TTF1: variants seen among roughly 807,000 people sequenced by gnomAD.
TTF1 encodes transcription termination factor, RNA polymerase I.
Under a neutral mutation model 80.2 loss-of-function variants are expected in TTF1, and 64 were observed. The ratio of observed to expected loss-of-function variants is 0.80; its 90% confidence interval spans 0.65 to 0.98. The LOEUF (loss-of-function observed/expected upper bound fraction) is 0.98. Among genes scored for constraint, TTF1 ranks in the 50% least tolerant of loss-of-function variants. The pLI, the probability that TTF1 is intolerant of heterozygous loss-of-function variation, is 0.00. For synonymous variants in TTF1, 372 were observed against 382.7 expected, an observed-to-expected ratio of 0.97 and a Z score of 0.33; for missense variants, 1,023 against 1,086.2, an observed-to-expected ratio of 0.94 and a Z score of 0.82.
chr9:132,386,408 C>A, intron 9 of TTF1, 148 bp downstream of exon 9: 1 of 722,014 alleles, frequency 1.4e-6, no homozygotes, highest in South Asian at 1.9e-5. Context: ...AAATTGGTTT[C>A]CTAGCAAATA....
At chr9:132,394,436 C>T (rs1454619756) in intron 5 of TTF1, among the ~76,000 whole-genome samples, 5 of 152,028 alleles carry the variant, frequency 3.3e-5, no homozygotes, top group East Asian at 2.0e-4. Flanking sequence ...TTTGCCACCA[C>T]GCCAGGCTAA....
At chr9:132,388,958 C>G (rs1849515592) in intron 7 of TTF1, among the ~76,000 whole-genome samples, 3 of 152,302 alleles carry the variant, frequency 2.0e-5, no homozygotes, top group South Asian at 4.1e-4. Context: ...GAGCCATCCA[C>G]GTTTACAGGG....
chr9:132,385,667 T>C (rs1243384401), intron 9 of TTF1, among the ~76,000 whole-genome samples: 1 of 152,194 alleles, frequency 6.6e-6, no homozygotes. Context: ...CTCTATCTGA[T>C]TGCCCCCGAC....
chr9:132,377,460 G>GTGCA (rs1849224061), intron 10 of TTF1, among the ~76,000 whole-genome samples: 2 of 105,384 alleles, frequency 1.9e-5, no homozygotes, highest in African/African-American at 3.6e-5. Context: ...GTGTGTGTGA[G>GTGCA]TGCATGTGGT....
intron 1 of TTF1, 56 bp from the exon 2 acceptor site, chr9:132,402,884 C>G: frequency 6.7e-7 from 1 of 1,490,590 alleles, no homozygotes; most frequent in Admixed American, 2.2e-5. Flanking sequence ...GAGACGGAGT[C>G]TCACTCTGTC....
chr9:132,378,433 TGTGAATGCATGTG>T (rs1391702062), intron 10 of TTF1, among the ~76,000 whole-genome samples: 9 of 99,690 alleles, frequency 9.0e-5, no homozygotes, highest in Admixed American at 1.1e-4. Flanking sequence ...GCATGTGGTG[TGTGAATGCATGTG>T]GTGTGAGTGC....
At chr9:132,403,821 C>A (rs1849811957) in intron 1 of TTF1, among the ~76,000 whole-genome samples, 1 of 152,148 alleles carries the variant, frequency 6.6e-6, no homozygotes, top group African/African-American at 2.4e-5. Context: ...ATCAGGTATC[C>A]ACTGACCTCA....
intron 2 of TTF1, among the ~76,000 whole-genome samples, chr9:132,401,043 GCTAAGGGTAGGCA>G (rs1481204890): frequency 6.6e-6 from 1 of 152,122 alleles, no homozygotes; most frequent in Non-Finnish European, 1.5e-5. Flanking sequence ...ATATGTATGT[GCTAAGGGTAGGCA>G]CGGTGGTTCA....
At position 132,375,644 on chromosome 9, in the gene TTF1, C is replaced by T. The variant is rs759393739; in HGVS notation, c.*271G>A. On this transcript the variant is annotated 3_prime_UTR_variant, in exon 11 of 11. Coordinates refer to ENST00000334270, the MANE Select transcript of TTF1 (RefSeq NM_007344.4). ...TGGCCATTGTACATTCTTTATTAAACATCAATACTGAAAACAGATTTACTG... is the reference window on the plus strand; with the variant it reads ...TGGCCATTGTACATTCTTTATTAAATATCAATACTGAAAACAGATTTACTG... 3.4e-6 allele frequency: 1 copy of T among 297,570 alleles called. No individual in the cohort carries two copies. Among genetic ancestry groups the T allele is most frequent in the East Asian group, 7.1e-5 (1 of 14,094 alleles). 18.4% of individuals were successfully genotyped at this position (297,570 alleles called of 1,614,324 possible).
At chr9:132,392,739 A>G (rs1849583281) in intron 5 of TTF1, among the ~76,000 whole-genome samples, 1 of 152,216 alleles carries the variant, frequency 6.6e-6, no homozygotes, top group Admixed American at 6.5e-5. Context: ...ACGGAGTTTA[A>G]GTTTCCTAGT....
At chr9:132,380,548 T>C (rs1589816080) in intron 9 of TTF1, among the ~76,000 whole-genome samples, 1 of 152,216 alleles carries the variant, frequency 6.6e-6, no homozygotes, top group Non-Finnish European at 1.5e-5. Context: ...CCTGTGCCTT[T>C]TCCCTTCCCA....
intron 9 of TTF1, among the ~76,000 whole-genome samples, chr9:132,380,424 A>T (rs1849349261): frequency 6.6e-6 from 1 of 152,184 alleles, no homozygotes; most frequent in Non-Finnish European, 1.5e-5. Flanking sequence ...ACCATAATGC[A>T]GATGAGGAAA....
rs1257243075 is a variant in TTF1, at chr9:132,385,141, G to T, written c.2378+1415C>A. On this transcript the variant is annotated intron_variant, in intron 9 of 10. Transcript: ENST00000334270. ...ACCAAGTCATTTAACCAGCGCTAAA[G>T]CACGGGGTCTCGGCAGGGTAACACA... is the stretch of plus-strand genomic sequence containing the variant. 2.6e-5 allele frequency among the ~76,000 whole-genome samples: 4 copies of T among 152,280 alleles called. No individual in the cohort carries two copies. The East Asian group carries it at 7.7e-4, about 29-fold the overall frequency.
At position 132,375,929 on chromosome 9, in the gene TTF1, G is replaced by T. The variant is rs773873964; in HGVS notation, c.2704C>A (p.Arg902=). The T allele has an allele frequency of 2.1e-5, 33 of 1,585,164 alleles. No individual in the cohort carries two copies. Among genetic ancestry groups the T allele is most frequent in the Non-Finnish European group, 2.8e-5 (32 of 1,162,578 alleles). The change falls in exon 11 of 11, where the codon CGG becomes AGG. Residue 902 remains arginine, a synonymous_variant. Transcript: ENST00000334270. ...CNSSTLGGQG[R]WII is the part of the protein sequence containing the mutation. ...AACTCCTGACCTCAGATGATCCACCGGCCTTGGCCTCCCAAAGTACTGGAA... is the reference window on the plus strand; with the variant it reads ...AACTCCTGACCTCAGATGATCCACCTGCCTTGGCCTCCCAAAGTACTGGAA...
Position 132,402,814 on chromosome 9 carries a change from C to A in TTF1, c.8G>T (p.Gly3Val). ME[G>V]ESSRFEIHTP... ...GTGGATTTCAAATCTGCTTGATTCT[C>A]CTTCCATTTTATTCCTATATGGAAA... Residue 3 changes from glycine to valine, a missense_variant, in exon 2 of 11, where the codon GGA becomes GTA. By Grantham distance (109) the Gly-to-Val change is moderately radical (BLOSUM62 -3). Coordinates refer to ENST00000334270, the MANE Select transcript of TTF1 (RefSeq NM_007344.4). 6.3e-7 allele frequency: 1 copy of A among 1,575,710 alleles called. No homozygotes were observed. The highest frequency in any genetic ancestry group is 8.6e-7 in the Non-Finnish European group (1 of 1,166,912).
intron 3 of TTF1, among the ~76,000 whole-genome samples, chr9:132,399,546 G>T (rs1413234999): frequency 1.3e-5 from 2 of 151,918 alleles, no homozygotes; most frequent in Non-Finnish European, 2.9e-5. Context: ...AATAATAAAG[G>T]TTATTTATTA....
intron 8 of TTF1, among the ~76,000 whole-genome samples, chr9:132,386,838 C>T (rs193182993): frequency 6.6e-6 from 1 of 152,264 alleles, no homozygotes; most frequent in East Asian, 1.9e-4. Flanking sequence ...GACCTCTTTC[C>T]TCTTTCTGAG....
At chr9:132,382,708 G>A (rs1414572409) in intron 9 of TTF1, among the ~76,000 whole-genome samples, 2 of 149,724 alleles carry the variant, frequency 1.3e-5, no homozygotes, top group African/African-American at 4.9e-5. Context: ...TTAAGGCCAG[G>A]AGTTCAAGCA....
In TTF1 at chr9:132,401,802, A is replaced by G. The variant is rs1223612556; in HGVS notation, c.1020T>C (p.Asn340=). 3 of 1,613,666 alleles carry G rather than the reference A, an allele frequency of 1.9e-6. No individual in the cohort carries two copies. The Admixed American group carries it at 5.0e-5, about 27-fold the overall frequency. ...TGGCCACTGCCTCAAATTCCTGGTG[A>G]TTGGACTTTTTCTTTTTTTTCTTAG... is the stretch of plus-strand genomic sequence containing the variant. ...NKSKKKKKKS[N]HQEFEAVAMP... Residue 340 remains asparagine, a synonymous_variant, in exon 2 of 11, where the codon AAT becomes AAC. Coordinates refer to ENST00000334270, the MANE Select transcript of TTF1 (RefSeq NM_007344.4).
Sources: allele counts gnomAD v4.1 joint callset (sites outside exome capture counted in the v4.1 genomes callset), GRCh38; gene constraint gnomAD v4.1.1; transcripts MANE v1.5; gene names NCBI Gene and HGNC (gene_info 2026-07-23, HGNC 2026-07-21).